The following CCSER1 variants were observed in gnomAD, a reference collection of about 807,000 sequenced individuals.
The protein encoded by CCSER1 is coiled-coil serine rich protein 1, also known as serine-rich coiled-coil domain-containing protein 1.
A neutral mutation model predicts 82.0 loss-of-function variants in CCSER1; 41 were observed. That is an observed-to-expected ratio of 0.50 (90% CI 0.39 to 0.65). The LOEUF (loss-of-function observed/expected upper bound fraction) is 0.65, where lower values mean the gene tolerates loss of function less well. CCSER1 is among the 30% of genes least tolerant of loss of function. The pLI, the probability that CCSER1 is intolerant of heterozygous loss-of-function variation, is 0.00. For missense variants in CCSER1, 1,119 were observed against 1,064.2 expected (o/e 1.05, Z -0.72); for synonymous variants, 414 against 383.9 (o/e 1.08, Z -0.92).
chr4:90,133,220 G>T (rs562387138), intron 1 of CCSER1, among the ~76,000 whole-genome samples: 5 of 152,116 alleles, frequency 3.3e-5, no homozygotes, highest in Non-Finnish European at 5.9e-5. Context: ...ATATTCCATT[G>T]TCCATCAAAA....
chr4:91,099,560 G>T (rs1724848860), intron 10 of CCSER1, among the ~76,000 whole-genome samples: 1 of 152,124 alleles, frequency 6.6e-6, no homozygotes, highest in African/African-American at 2.4e-5. Context: ...AAGGTAGTTG[G>T]GGCGCAGCTT....
At chr4:91,460,748 G>A (rs1477425261) in intron 10 of CCSER1, among the ~76,000 whole-genome samples, 3 of 152,106 alleles carry the variant, frequency 2.0e-5, no homozygotes, top group Non-Finnish European at 4.4e-5. Flanking sequence ...ATCTCTTATT[G>A]TGAGTGGCCT....
At chr4:90,427,857 G>T (rs1176757650) in intron 4 of CCSER1, among the ~76,000 whole-genome samples, 1 of 151,736 alleles carries the variant, frequency 6.6e-6, no homozygotes, top group Non-Finnish European at 1.5e-5. Context: ...TGATTAGAAT[G>T]CAATGTTATT....
intron 10 of CCSER1, among the ~76,000 whole-genome samples, chr4:91,250,000 G>GCAAA (rs1390193952): frequency 6.6e-6 from 1 of 150,702 alleles, no homozygotes; most frequent in African/African-American, 2.4e-5. Flanking sequence ...AAACTAAAAT[G>GCAAA]TCGTTCAGGG....
At chr4:91,102,302 G>C (rs1198728881) in intron 10 of CCSER1, among the ~76,000 whole-genome samples, 1 of 152,172 alleles carries the variant, frequency 6.6e-6, no homozygotes, top group African/African-American at 2.4e-5. Flanking sequence ...AATCCAGGCT[G>C]GGTTAGTTAA....
intron 9 of CCSER1, among the ~76,000 whole-genome samples, chr4:90,927,429 T>C (rs1056940457): frequency 3.3e-5 from 5 of 152,004 alleles, no homozygotes; most frequent in African/African-American, 1.2e-4. Flanking sequence ...TATTATTAAT[T>C]ACTGTTAGTT....
chr4:91,409,041 G>T (rs191629684), intron 10 of CCSER1, among the ~76,000 whole-genome samples: 1 of 152,094 alleles, frequency 6.6e-6, no homozygotes, highest in African/African-American at 2.4e-5. Context: ...TACTCCATTC[G>T]GACAAAGCAA....
At chr4:90,915,838 G>A (rs868355553) in intron 8 of CCSER1, among the ~76,000 whole-genome samples, 6,794 of 151,684 alleles carry the variant, frequency 0.045, 420 homozygotes, top group African/African-American at 0.14. Context: ...AAATCAATGT[G>A]CAAAAATCAC....
At chr4:91,262,155 A>G (rs1317734815) in intron 10 of CCSER1, among the ~76,000 whole-genome samples, 1 of 152,154 alleles carries the variant, frequency 6.6e-6, no homozygotes, top group African/African-American at 2.4e-5. Context: ...GTCTGTTACC[A>G]AACTATTTGG....
At chr4:90,911,628 G>A (rs1726375601) in intron 8 of CCSER1, among the ~76,000 whole-genome samples, 1 of 152,110 alleles carries the variant, frequency 6.6e-6, no homozygotes. Flanking sequence ...GTCAGAGAGT[G>A]GGTGCAGGAC....
chr4:91,107,489 T>G (rs2148865048), intron 10 of CCSER1, among the ~76,000 whole-genome samples: 1 of 152,268 alleles, frequency 6.6e-6, no homozygotes, highest in Middle Eastern at 3.4e-3. Flanking sequence ...TCTCCTGACC[T>G]CGTGATCCAC....
At chr4:91,589,290 C>T (rs1764153018) in intron 10 of CCSER1, among the ~76,000 whole-genome samples, 1 of 151,622 alleles carries the variant, frequency 6.6e-6, no homozygotes, top group Non-Finnish European at 1.5e-5. Context: ...ATTTAGGGCT[C>T]ACATTATTTA....
In CCSER1 at chr4:91,216,969, C is replaced by T. The variant is rs577433915; in HGVS notation, c.2217+130975C>T. Among the ~76,000 whole-genome samples, 37 of 152,244 alleles carry T rather than the reference C, an allele frequency of 2.4e-4. 1 individual carries two copies. In the South Asian group the frequency reaches 7.5e-3, roughly 31 times the overall value. The stretch of plus-strand genomic sequence containing the variant: ...TGTCCGGAATTGGTGGGTTCTTGGT[C>T]TCACTGACTTCAAGAATGAAGCCGC... On this transcript the variant is annotated intron_variant, in intron 10 of 10. Coordinates refer to ENST00000509176, the MANE Select transcript of CCSER1 (RefSeq NM_001145065.2).
chr4:90,903,056 C>G (rs1289292565), intron 8 of CCSER1, among the ~76,000 whole-genome samples: 1 of 152,216 alleles, frequency 6.6e-6, no homozygotes, highest in South Asian at 2.1e-4. Flanking sequence ...TGGCTGCTAC[C>G]ACCGCACATT....
intron 10 of CCSER1, among the ~76,000 whole-genome samples, chr4:91,594,517 T>A (rs1268710451): frequency 6.6e-6 from 1 of 150,574 alleles, no homozygotes; most frequent in Non-Finnish European, 1.5e-5. Context: ...TCTATATCTA[T>A]CTATCTTAGA....
intron 9 of CCSER1, among the ~76,000 whole-genome samples, chr4:91,046,979 G>A (rs939240669): frequency 2.0e-5 from 3 of 152,086 alleles, no homozygotes; most frequent in Non-Finnish European, 4.4e-5. Flanking sequence ...GCCTCCCAAA[G>A]TGCTGGGATT....
chr4:90,638,240 A>T (rs1298289036), intron 6 of CCSER1, among the ~76,000 whole-genome samples: 2 of 152,110 alleles, frequency 1.3e-5, no homozygotes, highest in Non-Finnish European at 2.9e-5. Context: ...TTTTAAGATA[A>T]TAATTTTTTT....
chr4:90,959,161 A>T (rs1733810695), intron 9 of CCSER1, among the ~76,000 whole-genome samples: 1 of 152,194 alleles, frequency 6.6e-6, no homozygotes, highest in Non-Finnish European at 1.5e-5. Flanking sequence ...ATAAGGGAAC[A>T]TCTGCTCTTA....
chr4:90,153,029 TC>T (rs897992743), intron 1 of CCSER1, among the ~76,000 whole-genome samples: 4 of 93,702 alleles, frequency 4.3e-5, no homozygotes, highest in Non-Finnish European at 8.5e-5. Context: ...ATGCTATCCC[TC>T]CCCCCTCCCC....
Sources: gnomAD v4.1 joint callset for allele counts (sites outside exome capture counted in the v4.1 genomes callset) on GRCh38, gnomAD v4.1.1 for gene constraint, MANE v1.5 for transcripts, NCBI Gene and HGNC (gene_info 2026-07-23, HGNC 2026-07-21) for gene names.